The following ITGBL1 variants were observed in gnomAD, a reference collection of about 807,000 sequenced individuals.
ITGBL1 encodes integrin beta-like protein 1.
Under a neutral mutation model 68.5 loss-of-function variants are expected in ITGBL1, and 51 were observed. That is an observed-to-expected ratio of 0.74 (90% CI 0.59 to 0.94). The LOEUF (loss-of-function observed/expected upper bound fraction) is 0.94. Ranked by LOEUF, ITGBL1 falls within the 40% of genes least tolerant of loss-of-function variation. The pLI is 0.00. For synonymous variants in ITGBL1, 209 were observed against 227.3 expected (o/e 0.92, Z 0.72); for missense variants, 649 against 647.4 (o/e 1.00, Z -0.03).
At chr13:101,518,175 CTCT>C (rs1175855492) in intron 2 of ITGBL1, among the ~76,000 whole-genome samples, 3 of 152,132 alleles carry the variant, frequency 2.0e-5, no homozygotes, top group East Asian at 3.9e-4. Context: ...CCGATGTTTC[CTCT>C]TCTTTTTAAA....
chr13:101,604,864 A>ATG (rs2030607978), intron 7 of ITGBL1, among the ~76,000 whole-genome samples: 4 of 25,174 alleles, frequency 1.6e-4, no homozygotes, highest in South Asian at 1.8e-3. Flanking sequence ...ATATATATAT[A>ATG]TATATATATA....
At chr13:101,709,546 G>A (rs985589423) in intron 9 of ITGBL1, among the ~76,000 whole-genome samples, 1 of 151,946 alleles carries the variant, frequency 6.6e-6, no homozygotes, top group Non-Finnish European at 1.5e-5. Flanking sequence ...TTTCCTCTGA[G>A]CATGGCTTCA....
chr13:101,475,828 C>CT (rs2048528751), intron 2 of ITGBL1, among the ~76,000 whole-genome samples: 1 of 151,930 alleles, frequency 6.6e-6, no homozygotes, highest in African/African-American at 2.4e-5. Context: ...TGGGGAACAA[C>CT]TTTTATCCTA....
intron 2 of ITGBL1, among the ~76,000 whole-genome samples, chr13:101,558,588 C>T (rs2050049367): frequency 6.6e-6 from 1 of 152,138 alleles, no homozygotes; most frequent in Non-Finnish European, 1.5e-5. Context: ...CTTCTCAGGA[C>T]ACCTGAGATA....
intron 2 of ITGBL1, among the ~76,000 whole-genome samples, chr13:101,480,154 C>T (rs535972377): frequency 1.3e-5 from 2 of 152,070 alleles, no homozygotes; most frequent in African/African-American, 4.8e-5. Context: ...TGAATGAGAT[C>T]TTGTCATTTG....
At chr13:101,616,916 A>G (rs1260886031) in intron 7 of ITGBL1, among the ~76,000 whole-genome samples, 1 of 152,194 alleles carries the variant, frequency 6.6e-6, no homozygotes, top group Admixed American at 6.5e-5. Flanking sequence ...GCAACCCCAG[A>G]GGATGGTTAG....
At chr13:101,662,741 C>T (rs926618364) in intron 7 of ITGBL1, among the ~76,000 whole-genome samples, 2 of 151,938 alleles carry the variant, frequency 1.3e-5, no homozygotes, top group Admixed American at 6.6e-5. Context: ...CAGTTTTTCT[C>T]GGTAACTAAG....
chr13:101,592,129 G>A (rs952982527), intron 6 of ITGBL1, among the ~76,000 whole-genome samples: 4 of 152,068 alleles, frequency 2.6e-5, no homozygotes, highest in South Asian at 2.1e-4. Flanking sequence ...AATGTAGGTC[G>A]ATTTTTGCTA....
At chr13:101,464,722 C>T (rs535563968) in intron 2 of ITGBL1, among the ~76,000 whole-genome samples, 2 of 152,090 alleles carry the variant, frequency 1.3e-5, no homozygotes, top group South Asian at 2.1e-4. Context: ...TAATTTTATA[C>T]ACATACGCCA....
intron 7 of ITGBL1, among the ~76,000 whole-genome samples, chr13:101,669,720 C>T (rs556807244): frequency 1.3e-5 from 2 of 152,168 alleles, no homozygotes; most frequent in South Asian, 4.1e-4. Context: ...ATCTTTTGCC[C>T]AATTTACAGT....
At chr13:101,616,663 G>A (rs889847425) in intron 7 of ITGBL1, among the ~76,000 whole-genome samples, 3 of 152,018 alleles carry the variant, frequency 2.0e-5, no homozygotes, top group African/African-American at 7.2e-5. Context: ...GCTAATTTTT[G>A]TATTTTTAGT....
chr13:101,563,332 AC>A (rs1358672262), intron 2 of ITGBL1, among the ~76,000 whole-genome samples: 2 of 151,664 alleles, frequency 1.3e-5, no homozygotes, highest in African/African-American at 4.8e-5. Context: ...AAAGAGAAAA[AC>A]AATAAAGAAA....
intron 2 of ITGBL1, among the ~76,000 whole-genome samples, chr13:101,511,346 C>A (rs1294966454): frequency 6.6e-6 from 1 of 152,066 alleles, no homozygotes; most frequent in Non-Finnish European, 1.5e-5. Flanking sequence ...CCCTAAGGAA[C>A]CTTCTATGAG....
At chr13:101,695,722 C>T (rs902707117) in intron 8 of ITGBL1, among the ~76,000 whole-genome samples, 2 of 152,134 alleles carry the variant, frequency 1.3e-5, no homozygotes, top group African/African-American at 4.8e-5. Context: ...ACTAACAAAA[C>T]CCTTCACCCT....
chr13:101,463,921 T>C (rs1047771391), intron 2 of ITGBL1, among the ~76,000 whole-genome samples: 31 of 150,868 alleles, frequency 2.1e-4, no homozygotes, highest in Non-Finnish European at 3.4e-4. Flanking sequence ...TTTTTTTTTT[T>C]TTTCCGAGAC....
In ITGBL1 at chr13:101,607,425, A is replaced by G. The variant is rs115389353; in HGVS notation, c.1015+9126A>G. Among the ~76,000 whole-genome samples the G allele has an allele frequency of 4.1e-3, 622 of 152,160 alleles. 2 individuals are homozygous for G. Among genetic ancestry groups the G allele is most frequent in the African/African-American group, 0.014 (596 of 41,552 alleles). On this transcript the variant is annotated intron_variant, in intron 7 of 10. Transcript: ENST00000376180. ...CCTGTTACAAATATAATTCTGCAGAATAATTGAAATGGCTGCATAATATTC... is the reference window on the plus strand; with the variant it reads ...CCTGTTACAAATATAATTCTGCAGAGTAATTGAAATGGCTGCATAATATTC...
intron 6 of ITGBL1, among the ~76,000 whole-genome samples, chr13:101,586,190 C>G (rs1448398632): frequency 6.6e-6 from 1 of 152,194 alleles, no homozygotes; most frequent in Non-Finnish European, 1.5e-5. Context: ...CCCCTCCAAC[C>G]CCTCTTCCCT....
chr13:101,598,026 C>G (rs1408806177), intron 6 of ITGBL1, 127 bp from the exon 7 acceptor site: 2 of 829,114 alleles, frequency 2.4e-6, no homozygotes, highest in East Asian at 2.8e-5. Flanking sequence ...GTGCGTTTGC[C>G]TTAATATGTT....
intron 7 of ITGBL1, among the ~76,000 whole-genome samples, chr13:101,622,542 T>G (rs1028541211): frequency 1.3e-5 from 2 of 152,164 alleles, no homozygotes. Context: ...TTTACTATAA[T>G]TATTTGTTGG....
Sources: allele counts gnomAD v4.1 joint callset (sites outside exome capture counted in the v4.1 genomes callset), GRCh38; gene constraint gnomAD v4.1.1; transcripts MANE v1.5; gene names NCBI Gene and HGNC (gene_info 2026-07-23, HGNC 2026-07-21).